Variants in USP48 observed in about 807,000 individuals in gnomAD.
USP48 encodes ubiquitin specific peptidase 48, also known as ubiquitin carboxyl-terminal hydrolase 48.
Under a neutral mutation model 150.7 loss-of-function variants are expected in USP48, and 43 were observed. The observed-to-expected ratio is 0.29, with a 90% confidence interval of 0.22 to 0.37. The LOEUF is 0.37. Ranked by LOEUF, USP48 falls within the 10% of genes least tolerant of loss-of-function variation. USP48 has a pLI of 1.00. For synonymous variants in USP48, 396 were observed against 425.9 expected (o/e 0.93, Z 0.86); for missense variants, 813 against 1,249.6 (o/e 0.65, Z 5.27).
At chr1:21,704,455 C>A in intron 19 of USP48, 63 bp from the exon 20 acceptor site, 1 of 1,506,348 alleles carries the variant, frequency 6.6e-7, no homozygotes, top group East Asian at 2.4e-5. Flanking sequence ...TTAACATAAT[C>A]CATTAGTCTG....
rs111434027 is a variant in USP48, at chr1:21,782,525, G to C, written c.134+299C>G. Among the ~76,000 whole-genome samples, 354 of 152,324 alleles carry C rather than the reference G, an allele frequency of 2.3e-3. 1 individual carries two copies. The highest frequency in any genetic ancestry group is 8.2e-3 in the African/African-American group (342 of 41,576). On this transcript the variant is annotated intron_variant, in intron 1 of 26. Transcript: ENST00000308271. ...AACGAAAGAGCCGTGCTGTGGCCAA[G>C]ATACCCCAACCATCAACGCTTGCTA... is the stretch of plus-strand genomic sequence containing the variant.
chr1:21,688,207 T>C (rs67902363), intron 24 of USP48, among the ~76,000 whole-genome samples: 9,836 of 152,110 alleles, frequency 0.065, 434 homozygotes, highest in Non-Finnish European at 0.083. Context: ...CAAATGAGGC[T>C]GGTTCAATGA....
chr1:21,773,149 G>A (rs1294115230), intron 1 of USP48, among the ~76,000 whole-genome samples: 1 of 150,180 alleles, frequency 6.7e-6, no homozygotes, highest in East Asian at 2.0e-4. Context: ...CAGCTACTTG[G>A]GAGGCTGAGG....
intron 1 of USP48, among the ~76,000 whole-genome samples, chr1:21,774,442 A>G (rs2152648934): frequency 6.6e-6 from 1 of 152,232 alleles, no homozygotes; most frequent in East Asian, 1.9e-4. Flanking sequence ...TAATCCCAGC[A>G]CTTTGGGAGG....
At chr1:21,715,503 C>T (rs1303970794) in intron 14 of USP48, 46 bp from the exon 15 acceptor site, 1 of 1,329,440 alleles carries the variant, frequency 7.5e-7, no homozygotes, top group African/African-American at 1.5e-5. Flanking sequence ...TTATTGTGTA[C>T]TTAAAGTTGA....
At chr1:21,706,074 G>A in intron 18 of USP48, 52 bp downstream of exon 18, 1 of 1,573,574 alleles carries the variant, frequency 6.4e-7, no homozygotes, top group South Asian at 1.1e-5. Context: ...AAAAATACCA[G>A]AGTCAACCAA....
intron 9 of USP48, chr1:21,732,635 T>C: frequency 3.1e-6 from 1 of 317,968 alleles, no homozygotes. Flanking sequence ...TTTTAACTAT[T>C]TAGAGCTTTA....
intron 1 of USP48, among the ~76,000 whole-genome samples, chr1:21,763,822 A>G (rs902077664): frequency 7.1e-6 from 1 of 141,582 alleles, no homozygotes. Context: ...TTTCAAGAAA[A>G]GGAAGGGAGG....
At chr1:21,686,022 C>T (rs1396804909) in intron 25 of USP48, 1 of 152,174 alleles carries the variant, frequency 6.6e-6, no homozygotes, top group Admixed American at 6.5e-5. Flanking sequence ...GAGTCTGAGG[C>T]ACAAGAATTG....
In USP48 at chr1:21,706,196, C is replaced by A. The variant is rs754472348; in HGVS notation, c.2212-9G>T. Reference sequence around the variant, plus strand: ...TAGAGGACATCCGTATCCTAGAACACAAAAATCACAAAACAGTATCCGTCA... The same window carrying A: ...TAGAGGACATCCGTATCCTAGAACAAAAAAATCACAAAACAGTATCCGTCA... On this transcript the variant is annotated splice_polypyrimidine_tract_variant and intron_variant, in intron 17 of 26. Coordinates refer to ENST00000308271, the MANE Select transcript of USP48 (RefSeq NM_032236.8). The A allele has an allele frequency of 7.2e-5, 116 of 1,612,540 alleles. No individual in the cohort carries two copies. Among genetic ancestry groups the A allele is most frequent in the Non-Finnish European group, 9.3e-5 (110 of 1,179,440 alleles).
chr1:21,774,285 A>G (rs999706657), intron 1 of USP48, among the ~76,000 whole-genome samples: 1 of 151,830 alleles, frequency 6.6e-6, no homozygotes, highest in Non-Finnish European at 1.5e-5. Flanking sequence ...CCACACACAA[A>G]ATTTGTAACT....
intron 1 of USP48, among the ~76,000 whole-genome samples, chr1:21,776,814 C>T (rs1177797457): frequency 1.3e-5 from 2 of 151,852 alleles, no homozygotes; most frequent in Non-Finnish European, 2.9e-5. Flanking sequence ...ATTAGCCGGG[C>T]GTGGTGCCTG....
rs1293233986 is a variant in USP48 at position 21,747,276 on chromosome 1, T to C, written c.909-127A>G. On this transcript the variant is annotated intron_variant, in intron 7 of 26. Coordinates refer to ENST00000308271, the MANE Select transcript of USP48 (RefSeq NM_032236.8). ...CACTTCACAATCTTCCTCCAAAACA[T>C]GTACAATTAGAAGTAAACAGAATAT... 3 of 584,848 alleles carry C rather than the reference T, an allele frequency of 5.1e-6. No homozygotes were observed. The African/African-American group carries it at 5.8e-5, about 11-fold the overall frequency. The allele number at this position is 584,848 out of a possible 1,614,324, so 36.2% of individuals were successfully genotyped here. A position where few individuals can be genotyped will look rare whatever the true frequency, so the allele number is the denominator to read the frequency against.
intron 1 of USP48, among the ~76,000 whole-genome samples, chr1:21,781,577 T>TACAAAACTGA (rs1343342089): frequency 3.3e-5 from 5 of 151,784 alleles, no homozygotes; most frequent in Non-Finnish European, 7.4e-5. Flanking sequence ...CCACTAAAAA[T>TACAAAACTGA]ACAAAACTGA....
At position 21,679,456 on chromosome 1, in the gene USP48, A is replaced by G. The variant is rs776570889; in HGVS notation, c.3086-17T>C. ...GACCAGTACCTGGGAAAAGAAACAC[A>G]CGTGGAGGGATAGTTGTGAACTACA... On this transcript the variant is annotated splice_polypyrimidine_tract_variant and intron_variant, in intron 26 of 26. Transcript: ENST00000308271. 6 of 1,613,860 alleles carry G rather than the reference A, an allele frequency of 3.7e-6. No individual in the cohort carries two copies. The Admixed American group carries it at 1.0e-4, about 27-fold the overall frequency.
chr1:21,695,670 C>T (rs1320996108), intron 22 of USP48, among the ~76,000 whole-genome samples: 1 of 152,144 alleles, frequency 6.6e-6, no homozygotes, highest in Non-Finnish European at 1.5e-5. Flanking sequence ...AATCGCACCA[C>T]TGGACTCCAG....
chr1:21,746,872 C>T (rs2097795874), intron 8 of USP48, among the ~76,000 whole-genome samples, 195 bp downstream of exon 8: 1 of 152,132 alleles, frequency 6.6e-6, no homozygotes, highest in African/African-American at 2.4e-5. Context: ...CTCATCTTTG[C>T]TATATGCTTA....
intron 6 of USP48, among the ~76,000 whole-genome samples, chr1:21,749,596 T>A (rs368425700): frequency 1.3e-3 from 200 of 151,706 alleles, no homozygotes; most frequent in Admixed American, 2.0e-3. Flanking sequence ...TAAAAAAAAA[T>A]TTTTTTTTCA....
At chr1:21,747,970 T>C (rs1337429751) in intron 7 of USP48, among the ~76,000 whole-genome samples, 168 bp downstream of exon 7, 1 of 152,258 alleles carries the variant, frequency 6.6e-6, no homozygotes, top group Non-Finnish European at 1.5e-5. Context: ...AAATTTTTTA[T>C]GATAAAATCA....
Sources: gnomAD v4.1 joint callset for allele counts (sites outside exome capture counted in the v4.1 genomes callset) on GRCh38, gnomAD v4.1.1 for gene constraint, MANE v1.5 for transcripts, NCBI Gene and HGNC (gene_info 2026-07-23, HGNC 2026-07-21) for gene names.